Variants in ARIH1 observed in about 807,000 individuals in gnomAD.
ARIH1 encodes ariadne RBR E3 ubiquitin protein ligase 1, also known as E3 ubiquitin-protein ligase ARIH1.
Under a neutral mutation model 85.0 loss-of-function variants are expected in ARIH1, and 8 were observed. The ratio of observed to expected loss-of-function variants is 0.09; its 90% confidence interval spans 0.06 to 0.17. ARIH1 has a LOEUF of 0.17. Among genes scored for constraint, ARIH1 ranks in the 10% least tolerant of loss-of-function variants. ARIH1 has a pLI of 1.00. For synonymous variants in ARIH1, 238 were observed against 253.6 expected (o/e 0.94, Z 0.59); for missense variants, 311 against 718.1 (o/e 0.43, Z 6.48).
Position 72,474,840 on chromosome 15 carries a change from C to CGGT in ARIH1, c.204_206dup (p.Gly71dup). 1 of 1,379,850 alleles carries CGGT rather than the reference C, an allele frequency of 7.2e-7. No homozygotes were observed. 85.5% of individuals were successfully genotyped at this position (1,379,850 alleles called of 1,614,324 possible). On this transcript the variant is annotated inframe_insertion, in exon 1 of 14. Transcript: ENST00000379887. Reference sequence around the variant, plus strand: ...ACGGACTGCTGTGCGGGGAGACGGGCGGTGGCGGCGGCAGCGCTCTGGGGC... The same window carrying CGGT: ...ACGGACTGCTGTGCGGGGAGACGGGCGGTGGTGGCGGCGGCAGCGCTCTGGGGC...
intron 1 of ARIH1, among the ~76,000 whole-genome samples, chr15:72,484,220 A>G (rs1030010859): frequency 1.4e-4 from 22 of 151,902 alleles, no homozygotes; most frequent in African/African-American, 5.3e-4. Flanking sequence ...GTAGATTCAC[A>G]TGCAGTTACA....
chr15:72,589,887 G>C lies in ARIH1; in HGVS notation c.*6595G>C, dbSNP rs2140444341. 6.6e-6 allele frequency: 1 copy of C among 151,980 alleles called. No individual in the cohort carries two copies. The highest frequency in any genetic ancestry group is 2.4e-5 in the African/African-American group (1 of 41,408). The allele number at this position is 151,980 out of a possible 1,614,324, so 9.4% of individuals were successfully genotyped here. A position where few individuals can be genotyped will look rare whatever the true frequency, so the allele number is the denominator to read the frequency against. On this transcript the variant is annotated 3_prime_UTR_variant, in exon 14 of 14. Coordinates refer to ENST00000379887, the MANE Select transcript of ARIH1 (RefSeq NM_005744.5). ...TGCCCAGGCTGGACTTGAACTCCTA[G>C]TCTCAGCCAACCCCTTCTGCCTCAG...
chr15:72,594,811 C>CTTTTTTTTTTTTTTTTTTTTTTTTTTT lies in ARIH1; in HGVS notation c.*11520_*11546dup, dbSNP rs71137306. The CTTTTTTTTTTTTTTTTTTTTTTTTTTT allele has an allele frequency of 1.3e-4, 10 of 79,618 alleles. No homozygotes were observed. The highest frequency in any genetic ancestry group is 2.0e-4 in the Admixed American group (1 of 4,962). The allele number at this position is 79,618 out of a possible 1,614,324, so 4.9% of individuals were successfully genotyped here. A position where few individuals can be genotyped will look rare whatever the true frequency, so the allele number is the denominator to read the frequency against. On this transcript the variant is annotated 3_prime_UTR_variant, in exon 14 of 14. Transcript: ENST00000379887. ...TTTTTCTGATTTTATGCCTTTTCTTCTTTTTTTTTTTTTTTTTTTTTTTTT... is the reference window on the plus strand; with the variant it reads ...TTTTTCTGATTTTATGCCTTTTCTTCTTTTTTTTTTTTTTTTTTTTTTTTTTTTTTTTTTTTTTTTTTTTTTTTTTTT...
At chr15:72,558,057 G>A (rs1840042333) in intron 5 of ARIH1, among the ~76,000 whole-genome samples, 1 of 152,058 alleles carries the variant, frequency 6.6e-6, no homozygotes, top group South Asian at 2.1e-4. Flanking sequence ...GATTGCTCTG[G>A]CCAGGACTTC....
At chr15:72,532,986 G>T (rs925726388) in intron 2 of ARIH1, among the ~76,000 whole-genome samples, 3 of 152,178 alleles carry the variant, frequency 2.0e-5, no homozygotes, top group Admixed American at 2.0e-4. Context: ...TGTTAAAAAA[G>T]ATTTCCCTTT....
intron 3 of ARIH1, among the ~76,000 whole-genome samples, chr15:72,550,247 G>A (rs2064147737): frequency 6.6e-6 from 1 of 152,156 alleles, no homozygotes; most frequent in African/African-American, 2.4e-5. Context: ...TGAGAGAGGT[G>A]CATCTCACAC....
intron 1 of ARIH1, among the ~76,000 whole-genome samples, chr15:72,505,507 A>G (rs146577845): frequency 1.1e-4 from 17 of 152,284 alleles, no homozygotes; most frequent in African/African-American, 3.6e-4. Flanking sequence ...GAAAAAATGT[A>G]TAAATGGGAA....
chr15:72,553,538 A>AT (rs1223889258), intron 3 of ARIH1, among the ~76,000 whole-genome samples: 20 of 151,968 alleles, frequency 1.3e-4, no homozygotes, highest in Admixed American at 2.6e-4. Flanking sequence ...TCACCCCCTA[A>AT]TTCCTCCCAA....
At chr15:72,493,275 G>T (rs915905929) in intron 1 of ARIH1, among the ~76,000 whole-genome samples, 9 of 152,024 alleles carry the variant, frequency 5.9e-5, no homozygotes, top group Non-Finnish European at 7.4e-5. Flanking sequence ...TTTTTGGGGG[G>T]GGAGGTCAGA....
intron 1 of ARIH1, among the ~76,000 whole-genome samples, chr15:72,493,712 G>A (rs1269725742): frequency 2.0e-5 from 3 of 152,046 alleles, no homozygotes; most frequent in South Asian, 4.1e-4. Flanking sequence ...AAATTGCATT[G>A]CAAACTTATC....
intron 1 of ARIH1, among the ~76,000 whole-genome samples, chr15:72,494,270 A>G (rs1037391537): frequency 6.6e-6 from 1 of 152,216 alleles, no homozygotes; most frequent in African/African-American, 2.4e-5. Flanking sequence ...GTATAAATAA[A>G]TTATAATGCG....
At position 72,505,867 on chromosome 15, in the gene ARIH1, C is replaced by G. The variant is rs1194166247; in HGVS notation, c.376-12200C>G. Among the ~76,000 whole-genome samples, 3 of 152,210 alleles carry G rather than the reference C, an allele frequency of 2.0e-5. No individual in the cohort carries two copies. The East Asian group carries it at 5.9e-4, about 30-fold the overall frequency. ...TCTCCTTCTTCAGCCTCCCGAGGAG[C>G]TGGGATTACAGGCTCGTGCCACCAT... On this transcript the variant is annotated intron_variant, in intron 1 of 13. Coordinates refer to ENST00000379887, the MANE Select transcript of ARIH1 (RefSeq NM_005744.5).
At chr15:72,506,423 AG>A (rs1202825051) in intron 1 of ARIH1, among the ~76,000 whole-genome samples, 1 of 150,042 alleles carries the variant, frequency 6.7e-6, no homozygotes. Context: ...TGTATTAAGG[AG>A]ATTGGATATT....
Position 72,583,409 on chromosome 15 carries a change from T to A in ARIH1, c.*117T>A. 1.5e-6 allele frequency: 1 copy of A among 689,300 alleles called. No individual in the cohort carries two copies. The highest frequency in any genetic ancestry group is 2.5e-6 in the Non-Finnish European group (1 of 407,722). 42.7% of individuals were successfully genotyped at this position (689,300 alleles called of 1,614,324 possible). ...AGCCTATTCTGACACCACTGGTCTG[T>A]AGTACCAGAATTGTTTTGTTAATGG... On this transcript the variant is annotated 3_prime_UTR_variant, in exon 14 of 14. Coordinates refer to ENST00000379887, the MANE Select transcript of ARIH1 (RefSeq NM_005744.5).
At chr15:72,540,731 C>T (rs773556085) in intron 2 of ARIH1, among the ~76,000 whole-genome samples, 56 of 152,152 alleles carry the variant, frequency 3.7e-4, no homozygotes, top group Non-Finnish European at 7.6e-4. Context: ...GAAGGTGAGG[C>T]GAGAGGATCT....
intron 3 of ARIH1, among the ~76,000 whole-genome samples, chr15:72,545,659 T>C (rs1343534324): frequency 6.6e-6 from 1 of 152,200 alleles, no homozygotes; most frequent in Non-Finnish European, 1.5e-5. Context: ...GAAACCTGTC[T>C]CAACTAAAAA....
intron 1 of ARIH1, among the ~76,000 whole-genome samples, chr15:72,510,294 A>T (rs2063944497): frequency 6.6e-6 from 1 of 151,984 alleles, no homozygotes; most frequent in Admixed American, 6.6e-5. Context: ...CTTTCGATGG[A>T]TTTCAGTGTA....
rs770927229 is a variant in ARIH1, at chr15:72,474,359, C to T, written c.-281C>T. ...GCGATAGCAGCGGCCGTGGAGGTGG[C>T]GTTGGGGACTGTTTTCTCTCGGAGG... is the stretch of plus-strand genomic sequence containing the variant. On this transcript the variant is annotated 5_prime_UTR_variant, in exon 1 of 14. Coordinates refer to ENST00000379887, the MANE Select transcript of ARIH1 (RefSeq NM_005744.5). 5 of 433,732 alleles carry T rather than the reference C, an allele frequency of 1.2e-5. No individual in the cohort carries two copies. In the Admixed American group the frequency reaches 1.9e-4, roughly 17 times the overall value. The allele number at this position is 433,732 out of a possible 1,614,324, so 26.9% of individuals were successfully genotyped here.
intron 1 of ARIH1, among the ~76,000 whole-genome samples, chr15:72,514,031 G>C (rs1296356228): frequency 6.6e-6 from 1 of 150,512 alleles, no homozygotes; most frequent in Non-Finnish European, 1.5e-5. Context: ...GTAGAGATGG[G>C]GTCTCACCAT....
Sources: allele counts gnomAD v4.1 joint callset (sites outside exome capture counted in the v4.1 genomes callset), GRCh38; gene constraint gnomAD v4.1.1; transcripts MANE v1.5; gene names NCBI Gene and HGNC (gene_info 2026-07-23, HGNC 2026-07-21).